Variants in DPY19L1 observed in about 807,000 individuals in gnomAD.
DPY19L1 encodes the protein dpy-19 like C-mannosyltransferase 1, also known as protein C-mannosyl-transferase DPY19L1.
DPY19L1 carries 35 observed loss-of-function variants against 96.9 expected under a neutral mutation model. The observed-to-expected ratio is 0.36, with a 90% CI of 0.28 to 0.48. DPY19L1 has a LOEUF of 0.48. Ranked by LOEUF, DPY19L1 falls within the 20% of genes least tolerant of loss-of-function variation. The pLI is 0.99. For synonymous variants in DPY19L1, 205 were observed against 252.6 expected (o/e 0.81, Z 1.79); for missense variants, 521 against 777.9 (o/e 0.67, Z 3.93).
chr7:34,963,193 CAAAAAA>C (rs58387078), intron 10 of DPY19L1, among the ~76,000 whole-genome samples: 1 of 78,794 alleles, frequency 1.3e-5, no homozygotes, highest in Non-Finnish European at 2.3e-5. Flanking sequence ...AGATCTGTCT[CAAAAAA>C]AAAAAAAAAA....
intron 1 of DPY19L1, among the ~76,000 whole-genome samples, chr7:35,026,015 A>G (rs1257517894): frequency 1.3e-5 from 2 of 152,208 alleles, no homozygotes; most frequent in East Asian, 3.8e-4. Context: ...TAGAATCATC[A>G]GTGGCACTAA....
chr7:35,010,350 T>C, intron 6 of DPY19L1, 118 bp downstream of exon 6: 1 of 627,366 alleles, frequency 1.6e-6, no homozygotes, highest in Non-Finnish European at 2.7e-6. Flanking sequence ...TTTATGATAA[T>C]AAGATATTTT....
chr7:34,959,920 TATATTTA>T (rs1167645211), intron 10 of DPY19L1, among the ~76,000 whole-genome samples: 472 of 33,830 alleles, frequency 0.014, no homozygotes, highest in Middle Eastern at 0.04. Flanking sequence ...TATATATATA[TATATTTA>T]TATATATATA....
chr7:34,943,387 T>C (rs918905822), intron 16 of DPY19L1, among the ~76,000 whole-genome samples: 5 of 152,188 alleles, frequency 3.3e-5, no homozygotes, highest in Non-Finnish European at 7.3e-5. Flanking sequence ...CCTACAACCA[T>C]TTATTACCCC....
intron 21 of DPY19L1, 45 bp from the exon 22 acceptor site, chr7:34,931,774 A>C: frequency 3.2e-6 from 5 of 1,540,620 alleles, no homozygotes; most frequent in Non-Finnish European, 4.4e-6. Flanking sequence ...TGCATTATAT[A>C]ACTGCAGAGA....
chr7:34,980,457 T>C (rs1357603698), intron 7 of DPY19L1, among the ~76,000 whole-genome samples: 37 of 151,204 alleles, frequency 2.4e-4, no homozygotes, highest in Non-Finnish European at 2.1e-4. Context: ...TCAAAAAACC[T>C]CAAAAAGATC....
intron 6 of DPY19L1, among the ~76,000 whole-genome samples, chr7:34,998,534 A>C (rs1180290641): frequency 6.6e-6 from 1 of 152,198 alleles, no homozygotes; most frequent in African/African-American, 2.4e-5. Flanking sequence ...GGGGAGGAGT[A>C]GTCAATGGCA....
At chr7:34,964,620 GA>G (rs1310712545) in intron 10 of DPY19L1, among the ~76,000 whole-genome samples, 2 of 152,070 alleles carry the variant, frequency 1.3e-5, no homozygotes, top group African/African-American at 4.8e-5. Flanking sequence ...TGAAGAGGGG[GA>G]AATACACCGA....
At chr7:35,023,989 C>T (rs1250157747) in intron 1 of DPY19L1, among the ~76,000 whole-genome samples, 2 of 151,766 alleles carry the variant, frequency 1.3e-5, no homozygotes, top group African/African-American at 4.8e-5. Context: ...GCACCTGCCA[C>T]CACACCCGGC....
At chr7:34,993,917 A>T (rs1785227488) in intron 6 of DPY19L1, among the ~76,000 whole-genome samples, 1 of 151,922 alleles carries the variant, frequency 6.6e-6, no homozygotes, top group Non-Finnish European at 1.5e-5. Context: ...AAAAAAAAAA[A>T]ATTAGCCGTG....
intron 7 of DPY19L1, among the ~76,000 whole-genome samples, chr7:34,982,819 A>C (rs1784968067): frequency 6.6e-6 from 1 of 152,194 alleles, no homozygotes; most frequent in Non-Finnish European, 1.5e-5. Flanking sequence ...GCAGATAAAG[A>C]GGAGTGGGGG....
At chr7:34,944,551 A>C (rs1784101031) in intron 16 of DPY19L1, among the ~76,000 whole-genome samples, 1 of 152,102 alleles carries the variant, frequency 6.6e-6, no homozygotes, top group South Asian at 2.1e-4. Flanking sequence ...TCTATGCACA[A>C]ACACATAAAA....
chr7:34,930,916 C>T lies in DPY19L1; in HGVS notation c.*657G>A, dbSNP rs1170694585. The T allele has an allele frequency of 6.6e-6, 1 of 151,844 alleles. No homozygotes were observed. Among genetic ancestry groups the T allele is most frequent in the African/African-American group, 2.4e-5 (1 of 41,310 alleles). 9.4% of individuals were successfully genotyped at this position (151,844 alleles called of 1,614,324 possible). A position where few individuals can be genotyped will look rare whatever the true frequency, so the allele number is the denominator to read the frequency against. On this transcript the variant is annotated 3_prime_UTR_variant, in exon 22 of 22. Coordinates refer to ENST00000638088, the MANE Select transcript of DPY19L1 (RefSeq NM_001366673.1). ...AGCAAGAGAGAGAGAGAAAGAGACACGATAATGCCATATGGCTGGAAGTTA... is the reference window on the plus strand; with the variant it reads ...AGCAAGAGAGAGAGAGAAAGAGACATGATAATGCCATATGGCTGGAAGTTA...
chr7:35,026,957 G>A (rs534304616), intron 1 of DPY19L1, among the ~76,000 whole-genome samples: 18 of 152,248 alleles, frequency 1.2e-4, no homozygotes, highest in African/African-American at 4.1e-4. Flanking sequence ...AGCACTTTGG[G>A]AGGCCGAGGC....
chr7:35,017,726 G>T (rs991872909), intron 3 of DPY19L1, among the ~76,000 whole-genome samples, 156 bp downstream of exon 3: 4 of 151,870 alleles, frequency 2.6e-5, no homozygotes, highest in African/African-American at 9.7e-5. Context: ...GTGAGTGGGG[G>T]TGTAGATGAA....
intron 6 of DPY19L1, among the ~76,000 whole-genome samples, chr7:34,991,177 G>A (rs921510659): frequency 6.6e-6 from 1 of 152,188 alleles, no homozygotes; most frequent in Non-Finnish European, 1.5e-5. Flanking sequence ...AGCATTAAAC[G>A]TTTGAGGAAA....
rs908563938 is a variant in DPY19L1, at chr7:35,037,423, C to G, written c.-29G>C. ...GGCATAGTCGCGCCCGCTCGCTGCGCGCGCCCGGACGGCGGCCAGAGAACG... is the reference window on the plus strand; with the variant it reads ...GGCATAGTCGCGCCCGCTCGCTGCGGGCGCCCGGACGGCGGCCAGAGAACG... On this transcript the variant is annotated 5_prime_UTR_variant, in exon 1 of 22. Coordinates refer to ENST00000638088, the MANE Select transcript of DPY19L1 (RefSeq NM_001366673.1). The G allele has an allele frequency of 6.2e-6, 2 of 323,214 alleles. No homozygotes were observed. The highest frequency in any genetic ancestry group is 1.1e-5 in the Non-Finnish European group (2 of 177,330). The allele number at this position is 323,214 out of a possible 1,614,324, so 20.0% of individuals were successfully genotyped here.
rs1447263178 is a variant in DPY19L1, at chr7:35,013,737, A to T, written c.412-32T>A. The T allele has an allele frequency of 2.0e-6, 3 of 1,537,458 alleles. No homozygotes were observed. The South Asian group carries it at 3.7e-5, about 19-fold the overall frequency. ...TAAAGATATGCTCAATTAAAATAAC[A>T]AAAGGTACATAATTATGATGCCACT... On this transcript the variant is annotated intron_variant, in intron 3 of 21. Coordinates refer to ENST00000638088, the MANE Select transcript of DPY19L1 (RefSeq NM_001366673.1).
At chr7:34,989,695 A>G (rs1785125905) in intron 7 of DPY19L1, among the ~76,000 whole-genome samples, 189 bp downstream of exon 7, 1 of 152,182 alleles carries the variant, frequency 6.6e-6, no homozygotes, top group East Asian at 1.9e-4. Flanking sequence ...TTATTTCATC[A>G]AATTACTAAG....
Sources: gnomAD v4.1 joint callset for allele counts (sites outside exome capture counted in the v4.1 genomes callset) on GRCh38, gnomAD v4.1.1 for gene constraint, MANE v1.5 for transcripts, NCBI Gene and HGNC (gene_info 2026-07-23, HGNC 2026-07-21) for gene names.